Variants in DOCK2 observed in about 807,000 individuals in gnomAD.
The protein encoded by DOCK2 is dedicator of cytokinesis protein 2.
In DOCK2, 87 loss-of-function variants were observed where a neutral mutation model predicts 248.9. That is an observed-to-expected ratio of 0.35 (90% CI 0.29 to 0.42). The LOEUF (loss-of-function observed/expected upper bound fraction) is 0.42, where lower values mean the gene tolerates loss of function less well. Ranked by LOEUF, DOCK2 falls within the 10% of genes least tolerant of loss-of-function variation. The pLI, the probability that DOCK2 is intolerant of heterozygous loss-of-function variation, is 1.00. For synonymous variants in DOCK2, 805 were observed against 821.6 expected (o/e 0.98, Z 0.35); for missense variants, 1,747 against 2,300.2 (o/e 0.76, Z 4.92).
At chr5:170,069,618 TCTC>T (rs1048834457) in intron 46 of DOCK2, among the ~76,000 whole-genome samples, 2 of 151,858 alleles carry the variant, frequency 1.3e-5, no homozygotes, top group African/African-American at 4.8e-5. Flanking sequence ...TACTCCCACT[TCTC>T]CTCCTTTTAG....
chr5:170,048,493 T>A (rs1248580607), intron 40 of DOCK2, among the ~76,000 whole-genome samples: 1 of 152,192 alleles, frequency 6.6e-6, no homozygotes, highest in Non-Finnish European at 1.5e-5. Context: ...TATTTTCCAA[T>A]AAAAAATCAG....
intron 25 of DOCK2, among the ~76,000 whole-genome samples, chr5:169,791,106 G>A (rs935699986): frequency 1.3e-5 from 2 of 152,024 alleles, no homozygotes; most frequent in Non-Finnish European, 2.9e-5. Flanking sequence ...CCCTAAATAC[G>A]GGCCCCTTAT....
chr5:169,779,859 C>T (rs1765596721), intron 25 of DOCK2, among the ~76,000 whole-genome samples: 1 of 152,168 alleles, frequency 6.6e-6, no homozygotes, highest in African/African-American at 2.4e-5. Context: ...TCCACTCAGT[C>T]CCCTCAGGTT....
chr5:169,894,538 G>T (rs568688018), intron 27 of DOCK2, among the ~76,000 whole-genome samples: 12 of 152,272 alleles, frequency 7.9e-5, no homozygotes, highest in African/African-American at 2.9e-4. Flanking sequence ...TGCCTACACT[G>T]AAGAATTTTC....
intron 27 of DOCK2, among the ~76,000 whole-genome samples, chr5:169,867,988 G>T (rs1167836035): frequency 6.6e-6 from 1 of 152,212 alleles, no homozygotes; most frequent in Non-Finnish European, 1.5e-5. Flanking sequence ...TATTCACAAT[G>T]CTCCTAGCTC....
At chr5:169,655,478 C>T (rs1391092330) in intron 2 of DOCK2, among the ~76,000 whole-genome samples, 3 of 152,206 alleles carry the variant, frequency 2.0e-5, no homozygotes, top group Admixed American at 6.5e-5. Context: ...AGGCGGTCAC[C>T]TGCAGGAGTA....
intron 44 of DOCK2, among the ~76,000 whole-genome samples, chr5:170,065,953 G>GTTGT (rs1757475510): frequency 7.5e-6 from 1 of 133,398 alleles, no homozygotes; most frequent in African/African-American, 2.9e-5. Context: ...AATGAAAACT[G>GTTGT]TTTTTTTTTT....
At chr5:169,819,791 C>T (rs1417283960) in intron 26 of DOCK2, among the ~76,000 whole-genome samples, 1 of 152,196 alleles carries the variant, frequency 6.6e-6, no homozygotes, top group African/African-American at 2.4e-5. Flanking sequence ...GTGGGGGCAG[C>T]ACACCGAGCG....
At chr5:169,716,369 G>A in intron 20 of DOCK2, 67 bp downstream of exon 20, 1 of 1,524,462 alleles carries the variant, frequency 6.6e-7, no homozygotes, top group South Asian at 1.1e-5. Flanking sequence ...TGAAAATACT[G>A]AGAACTCATG....
intron 2 of DOCK2, among the ~76,000 whole-genome samples, chr5:169,661,002 G>A (rs1213920513): frequency 6.6e-6 from 1 of 152,034 alleles, no homozygotes; most frequent in Non-Finnish European, 1.5e-5. Context: ...TAAATCCATA[G>A]GTCCTGAAAA....
In DOCK2 at chr5:169,695,888, C is replaced by T; in HGVS notation, c.929C>T (p.Thr310Ile). The T allele has an allele frequency of 1.9e-6, 3 of 1,613,888 alleles. No individual in the cohort carries two copies. The highest frequency in any genetic ancestry group is 1.1e-5 in the South Asian group (1 of 91,020). Residue 310 changes from threonine to isoleucine, a missense_variant, in exon 10 of 52, where the codon ACT becomes ATT. This residue lies in a region of DOCK2 where 375 missense variants were observed against 510.9 expected (regional missense o/e 0.73). Coordinates refer to ENST00000520908, the MANE Select transcript of DOCK2 (RefSeq NM_004946.3). ...VRVGKMDLKD[T>I]GAKKCTQGLR... ...GTCGGCAAGATGGATCTTAAGGATA[C>T]TGGTGCAAAGAAGTGCACGCAGGGA...
intron 27 of DOCK2, among the ~76,000 whole-genome samples, chr5:169,967,022 G>A (rs1242890790): frequency 6.6e-6 from 1 of 152,188 alleles, no homozygotes; most frequent in Non-Finnish European, 1.5e-5. Flanking sequence ...TCCATTCATT[G>A]AGCAATTAAT....
intron 2 of DOCK2, among the ~76,000 whole-genome samples, chr5:169,663,545 AC>A (rs1440755760): frequency 6.6e-6 from 1 of 152,228 alleles, no homozygotes; most frequent in African/African-American, 2.4e-5. Context: ...GCATTTCCAT[AC>A]ATCCTCTGAA....
chr5:170,053,938 G>A (rs1366692218), intron 41 of DOCK2, among the ~76,000 whole-genome samples: 1 of 152,224 alleles, frequency 6.6e-6, no homozygotes, highest in Admixed American at 6.5e-5. Flanking sequence ...CTGGGGGGAT[G>A]AGGAAGCCTA....
rs1777982793 is a variant in DOCK2 at position 169,983,093 on chromosome 5, C to T, written c.2825C>T (p.Ala942Val). 1 of 1,613,926 alleles carries T rather than the reference C, an allele frequency of 6.2e-7. No individual in the cohort carries two copies. The highest frequency in any genetic ancestry group is 8.5e-7 in the Non-Finnish European group (1 of 1,179,930). The change falls in exon 28 of 52, where the codon GCC (alanine) becomes GTC (valine). Residue 942 changes from alanine to valine, a missense_variant. Ala to Val is a moderately conservative substitution (Grantham distance 64). Coordinates refer to ENST00000520908, the MANE Select transcript of DOCK2 (RefSeq NM_004946.3). ...LISHFVACMTAILNQMGDQHY... is the reference protein window; with the variant it reads ...LISHFVACMTVILNQMGDQHY... ...AGTCACTTTGTGGCATGTATGACAG[C>T]CATCTTAAACCAGATGGGTGACCAG... is the stretch of plus-strand genomic sequence containing the variant.
intron 27 of DOCK2, among the ~76,000 whole-genome samples, chr5:169,885,196 C>G (rs1158518844): frequency 1.3e-5 from 2 of 152,216 alleles, no homozygotes; most frequent in African/African-American, 4.8e-5. Flanking sequence ...CAAATTGCAA[C>G]TGTTATTAAA....
chr5:170,019,601 G>A (rs540995173), intron 33 of DOCK2, among the ~76,000 whole-genome samples: 1 of 152,180 alleles, frequency 6.6e-6, no homozygotes, highest in Non-Finnish European at 1.5e-5. Flanking sequence ...ATCTGTGAGG[G>A]AATAGGACAC....
rs766617314 is a variant in DOCK2, at chr5:170,082,835, G to C, written c.5470G>C (p.Asp1824His). ...GGCTGAAGAAGGCAAACAGATCCCA[G>C]ACTCGCTGTCCACGGACCTGTGAGC... ...KSAEEGKQIP[D>H]SLSTDL is the part of the protein sequence containing the mutation. Residue 1824 changes from aspartate to histidine, a missense_variant, in exon 52 of 52, where the codon GAC becomes CAC. Around this residue, in one of 4 missense-constraint regions of DOCK2, gnomAD observed 513 missense variants for 586.1 expected, o/e 0.88. Coordinates refer to ENST00000520908, the MANE Select transcript of DOCK2 (RefSeq NM_004946.3). 2.5e-6 allele frequency: 4 copies of C among 1,614,110 alleles called. No homozygotes were observed. The highest frequency in any genetic ancestry group is 3.4e-6 in the Non-Finnish European group (4 of 1,180,054).
intron 27 of DOCK2, among the ~76,000 whole-genome samples, chr5:169,938,601 G>A (rs549942586): frequency 6.6e-6 from 1 of 152,356 alleles, no homozygotes; most frequent in East Asian, 1.9e-4. Flanking sequence ...ATGGAGCTTG[G>A]AAGTTGCTCT....
Sources: allele counts gnomAD v4.1 joint callset (sites outside exome capture counted in the v4.1 genomes callset), GRCh38; gene constraint gnomAD v4.1.1; regional missense constraint gnomAD v4.1.1; transcripts MANE v1.5; gene names NCBI Gene and HGNC (gene_info 2026-07-23, HGNC 2026-07-21).